The following PRKG1 variants were observed in gnomAD, a reference collection of about 807,000 sequenced individuals.
PRKG1 encodes the protein protein kinase cGMP-dependent 1.
In PRKG1, 35 loss-of-function variants were observed where a neutral mutation model predicts 88.1. The observed-to-expected ratio is 0.40, with a 90% CI of 0.30 to 0.53. The LOEUF (loss-of-function observed/expected upper bound fraction) is 0.53. Among genes scored for constraint, PRKG1 ranks in the 20% least tolerant of loss-of-function variants. The pLI is 0.59. For synonymous variants in PRKG1, 303 were observed against 292.5 expected (o/e 1.04, Z -0.37); for missense variants, 540 against 839.8 (o/e 0.64, Z 4.41).
At chr10:51,859,597 C>T (rs1323079478) in intron 4 of PRKG1, among the ~76,000 whole-genome samples, 2 of 152,040 alleles carry the variant, frequency 1.3e-5, no homozygotes, top group Non-Finnish European at 2.9e-5. Flanking sequence ...GCCAAATTAA[C>T]ACTCTACCAC....
chr10:51,946,581 C>T (rs1389052449), intron 5 of PRKG1, among the ~76,000 whole-genome samples: 1 of 151,958 alleles, frequency 6.6e-6, no homozygotes, highest in Non-Finnish European at 1.5e-5. Context: ...TTTTCCCCAT[C>T]TTTGTGGTTT....
intron 4 of PRKG1, among the ~76,000 whole-genome samples, chr10:51,812,397 G>C (rs554598073): frequency 6.6e-6 from 1 of 152,188 alleles, no homozygotes; most frequent in Non-Finnish European, 1.5e-5. Context: ...CTGGTTGTGC[G>C]ATGCGTGGGC....
At chr10:52,213,356 T>G (rs527896540) in intron 9 of PRKG1, among the ~76,000 whole-genome samples, 1 of 152,254 alleles carries the variant, frequency 6.6e-6, no homozygotes, top group South Asian at 2.1e-4. Context: ...TATTTAAGAC[T>G]CGTCATGGAA....
At chr10:51,360,986 A>C (rs2132586474) in intron 2 of PRKG1, among the ~76,000 whole-genome samples, 1 of 152,032 alleles carries the variant, frequency 6.6e-6, no homozygotes, top group African/African-American at 2.4e-5. Flanking sequence ...ATATTGAGTA[A>C]ATGAAGTTAA....
intron 3 of PRKG1, among the ~76,000 whole-genome samples, chr10:51,640,226 C>T (rs991394741): frequency 2.0e-5 from 3 of 152,152 alleles, no homozygotes; most frequent in Admixed American, 1.3e-4. Flanking sequence ...CAGCTGGCCG[C>T]CCTGCTTATC....
At chr10:52,210,248 G>A (rs1327557905) in intron 9 of PRKG1, among the ~76,000 whole-genome samples, 2 of 151,816 alleles carry the variant, frequency 1.3e-5, no homozygotes, top group African/African-American at 4.8e-5. Flanking sequence ...CTTAGGTCTT[G>A]CAGAAGCTAT....
At chr10:51,759,216 A>C (rs959796401) in intron 3 of PRKG1, among the ~76,000 whole-genome samples, 14 of 152,060 alleles carry the variant, frequency 9.2e-5, no homozygotes, top group African/African-American at 3.1e-4. Flanking sequence ...ATACCTAGAA[A>C]TGGGATTGCT....
chr10:51,123,208 A>T (rs949392527), intron 1 of PRKG1, among the ~76,000 whole-genome samples: 1 of 152,220 alleles, frequency 6.6e-6, no homozygotes, highest in African/African-American at 2.4e-5. Flanking sequence ...CAATGACTGA[A>T]GTCAGATGAT....
chr10:51,586,348 G>A (rs572587769), intron 3 of PRKG1, among the ~76,000 whole-genome samples: 15 of 152,082 alleles, frequency 9.9e-5, no homozygotes, highest in Non-Finnish European at 1.9e-4. Context: ...AACAAACTTG[G>A]ACACCACTGT....
In PRKG1 at chr10:51,714,141, G is replaced by A. The variant is rs183574668; in HGVS notation, c.593-90444G>A. Among the ~76,000 whole-genome samples the A allele has an allele frequency of 5.5e-3, 832 of 152,062 alleles. 4 individuals are homozygous for A. The highest frequency in any genetic ancestry group is 0.017 in the Middle Eastern group (5 of 294). ...ACTACAGGCGCCCGCCACCAAGCCC[G>A]GTTAATTTTTTGTATTTTTAGTAGA... On this transcript the variant is annotated intron_variant, in intron 3 of 17. Coordinates refer to ENST00000373980, the MANE Select transcript of PRKG1 (RefSeq NM_006258.4).
chr10:51,733,519 T>A (rs1837174080), intron 3 of PRKG1, among the ~76,000 whole-genome samples: 1 of 152,218 alleles, frequency 6.6e-6, no homozygotes, highest in African/African-American at 2.4e-5. Flanking sequence ...GCTTTTTTTC[T>A]CTATATAAGA....
At chr10:51,455,444 T>A (rs1588974933) in intron 2 of PRKG1, among the ~76,000 whole-genome samples, 1 of 152,352 alleles carries the variant, frequency 6.6e-6, no homozygotes, top group African/African-American at 2.4e-5. Flanking sequence ...TGGGTTTTTC[T>A]TTCCTATCGC....
At chr10:52,239,601 T>C (rs1158779157) in intron 9 of PRKG1, among the ~76,000 whole-genome samples, 8 of 151,138 alleles carry the variant, frequency 5.3e-5, no homozygotes, top group Non-Finnish European at 1.2e-4. Flanking sequence ...TTTACTCAAT[T>C]ATTTACCAAC....
chr10:51,794,642 A>G (rs1252320246), intron 3 of PRKG1, among the ~76,000 whole-genome samples: 1 of 152,126 alleles, frequency 6.6e-6, no homozygotes. Flanking sequence ...TCTCACCACA[A>G]AAATGATGAC....
intron 8 of PRKG1, among the ~76,000 whole-genome samples, chr10:52,140,196 C>A (rs1837538135): frequency 6.6e-6 from 1 of 152,166 alleles, no homozygotes; most frequent in African/African-American, 2.4e-5. Context: ...CTGACTTAAA[C>A]AATATTAGAA....
chr10:51,396,860 A>G (rs1447104617), intron 2 of PRKG1, among the ~76,000 whole-genome samples: 3 of 152,232 alleles, frequency 2.0e-5, no homozygotes, highest in Non-Finnish European at 4.4e-5. Context: ...TGAGTGAAAC[A>G]CCTTGGGTGG....
chr10:51,074,266 C>G (rs1843886774), upstream of PRKG1: 1 of 281,150 alleles, frequency 3.6e-6, no homozygotes, highest in East Asian at 7.2e-5. Context: ...CCTCCCGCTC[C>G]CCCGCCACCG....
intron 3 of PRKG1, among the ~76,000 whole-genome samples, chr10:51,781,323 C>T (rs1484237462): frequency 6.6e-6 from 1 of 152,036 alleles, no homozygotes; most frequent in Non-Finnish European, 1.5e-5. Context: ...ATAGTATAGG[C>T]GTAAACAAGC....
At chr10:51,585,999 A>T (rs1838163179) in intron 3 of PRKG1, among the ~76,000 whole-genome samples, 1 of 152,108 alleles carries the variant, frequency 6.6e-6, no homozygotes, top group African/African-American at 2.4e-5. Flanking sequence ...GCAAGAGGAC[A>T]AGGTTCAAAA....
Sources: gnomAD v4.1 joint callset for allele counts (sites outside exome capture counted in the v4.1 genomes callset) on GRCh38, gnomAD v4.1.1 for gene constraint, MANE v1.5 for transcripts, NCBI Gene and HGNC (gene_info 2026-07-23, HGNC 2026-07-21) for gene names.